UNC79: variants seen among roughly 807,000 people sequenced by gnomAD.
UNC79 encodes the protein unc-79 subunit of NALCN channel complex.
A neutral mutation model predicts 283.1 loss-of-function variants in UNC79; 37 were observed. The observed-to-expected ratio is 0.13, with a 90% CI of 0.10 to 0.17. The LOEUF (loss-of-function observed/expected upper bound fraction) is 0.17. Ranked by LOEUF, UNC79 falls within the 10% of genes least tolerant of loss-of-function variation. UNC79 has a pLI of 1.00. For missense variants in UNC79, 2,272 were observed against 3,211.1 expected (o/e 0.71, Z 7.07); for synonymous variants, 1,107 against 1,200.2 (o/e 0.92, Z 1.61).
intron 4 of UNC79, 73 bp downstream of exon 4, chr14:93,477,801 G>A (rs920241784): frequency 1.4e-6 from 2 of 1,433,692 alleles, no homozygotes; most frequent in African/African-American, 1.4e-5. Flanking sequence ...TGCTGTTATA[G>A]GCTCTAGTTT....
At chr14:93,552,966 A>G (rs2061972346) in intron 14 of UNC79, among the ~76,000 whole-genome samples, 1 of 152,220 alleles carries the variant, frequency 6.6e-6, no homozygotes, top group African/African-American at 2.4e-5. Context: ...ATGGGGTTTT[A>G]TCGGCTTTAG....
upstream of UNC79, among the ~76,000 whole-genome samples, chr14:93,427,492 C>G (rs1420245402): frequency 6.6e-6 from 1 of 151,860 alleles, no homozygotes; most frequent in East Asian, 1.9e-4. Context: ...ATGTAATTAC[C>G]CTATCTAAAA....
At chr14:93,428,646 C>T (rs886077180), upstream of UNC79, among the ~76,000 whole-genome samples, 13 of 152,162 alleles carry the variant, frequency 8.5e-5, no homozygotes, top group Admixed American at 3.9e-4. Context: ...GGCTCCGAAG[C>T]ATCAGAACTA....
chr14:93,440,834 G>T (rs1298022132), intron 1 of UNC79, among the ~76,000 whole-genome samples: 10 of 151,948 alleles, frequency 6.6e-5, no homozygotes, highest in Non-Finnish European at 1.5e-4. Flanking sequence ...TGAGGTTTTT[G>T]CTGTGTCATA....
chr14:93,562,185 T>C (rs1255185176), intron 14 of UNC79, among the ~76,000 whole-genome samples: 1 of 152,098 alleles, frequency 6.6e-6, no homozygotes, highest in African/African-American at 2.4e-5. Flanking sequence ...TGCAGGTGGA[T>C]GGCAGTTGGG....
At chr14:93,527,976 G>GAA (rs35372771) in intron 8 of UNC79, among the ~76,000 whole-genome samples, 2 of 137,472 alleles carry the variant, frequency 1.5e-5, no homozygotes. Flanking sequence ...TCATGTGTAG[G>GAA]AAAAAAAAAA....
intron 40 of UNC79, among the ~76,000 whole-genome samples, chr14:93,668,834 ACT>A (rs2072499238): frequency 7.1e-6 from 1 of 141,016 alleles, no homozygotes; most frequent in South Asian, 2.3e-4. Flanking sequence ...ACAGAGTGAG[ACT>A]CTGTGTCCTT....
intron 22 of UNC79, among the ~76,000 whole-genome samples, chr14:93,593,280 T>C (rs2064826161): frequency 6.6e-6 from 1 of 152,180 alleles, no homozygotes; most frequent in African/African-American, 2.4e-5. Context: ...TTCTTTGACA[T>C]CATAAGAGGC....
intron 1 of UNC79, among the ~76,000 whole-genome samples, chr14:93,443,644 C>T (rs866767750): frequency 4.6e-5 from 7 of 152,204 alleles, no homozygotes; most frequent in Admixed American, 1.3e-4. Flanking sequence ...AGGCTGGTCT[C>T]GAACTCCTGA....
At position 93,582,094 on chromosome 14, in the gene UNC79, T is replaced by C. The variant is rs897340496; in HGVS notation, c.2662-109T>C. 8 of 1,558,776 alleles carry C rather than the reference T, an allele frequency of 5.1e-6. No homozygotes were observed. In the South Asian group the frequency reaches 6.9e-5, roughly 13 times the overall value. The stretch of plus-strand genomic sequence containing the variant: ...GCCTTGGCCTCTGGCCTCAGCAGCA[T>C]GGGACCCGAGACACAGCAGGTGTGC... On this transcript the variant is annotated intron_variant, in intron 19 of 48. Transcript: ENST00000555664.
chr14:93,494,139 A>T (rs1027756738), intron 5 of UNC79, among the ~76,000 whole-genome samples: 8 of 151,742 alleles, frequency 5.3e-5, no homozygotes, highest in Non-Finnish European at 1.0e-4. Context: ...TCCTGACCTC[A>T]GGAGTTTTGA....
chr14:93,455,931 T>C (rs1447534602), intron 1 of UNC79, among the ~76,000 whole-genome samples: 1 of 151,736 alleles, frequency 6.6e-6, no homozygotes, highest in Non-Finnish European at 1.5e-5. Flanking sequence ...TGTGTGTGTG[T>C]GTGTGTGTGT....
chr14:93,478,238 G>A (rs946897322), intron 4 of UNC79, among the ~76,000 whole-genome samples: 1 of 152,166 alleles, frequency 6.6e-6, no homozygotes, highest in Non-Finnish European at 1.5e-5. Flanking sequence ...GTATCGTGAT[G>A]ATAAAGTGAC....
chr14:93,651,395 C>T (rs181942635), intron 35 of UNC79, among the ~76,000 whole-genome samples: 1 of 152,086 alleles, frequency 6.6e-6, no homozygotes, highest in Non-Finnish European at 1.5e-5. Flanking sequence ...TTGAATCTTC[C>T]AATTCATGAA....
intron 5 of UNC79, among the ~76,000 whole-genome samples, chr14:93,492,686 C>A (rs2058788377): frequency 6.6e-6 from 1 of 152,082 alleles, no homozygotes; most frequent in Admixed American, 6.5e-5. Context: ...GTAAATGGGG[C>A]ATTCTGGGAG....
chr14:93,465,937 A>G (rs1338668483), intron 1 of UNC79, among the ~76,000 whole-genome samples: 1 of 152,222 alleles, frequency 6.6e-6, no homozygotes, highest in Non-Finnish European at 1.5e-5. Flanking sequence ...GGAACTATGC[A>G]TTAATGTGGG....
At chr14:93,479,382 C>G (rs1439281792) in intron 4 of UNC79, among the ~76,000 whole-genome samples, 2 of 152,182 alleles carry the variant, frequency 1.3e-5, no homozygotes, top group African/African-American at 4.8e-5. Context: ...ACTATAACCT[C>G]TGCCTCCTGA....
chr14:93,501,863 G>T (rs965501261), intron 7 of UNC79, among the ~76,000 whole-genome samples: 2 of 152,056 alleles, frequency 1.3e-5, no homozygotes, highest in African/African-American at 2.4e-5. Context: ...TATGATAAAA[G>T]ATGTCAAACA....
intron 40 of UNC79, 106 bp from the exon 44 acceptor site, chr14:93,673,243 ACT>A (rs1311122071): frequency 2.2e-6 from 2 of 908,478 alleles, no homozygotes; most frequent in East Asian, 5.2e-5. Context: ...ATTTTTGAAT[ACT>A]GTTTTTTATT....
Sources: gnomAD v4.1 joint callset for allele counts (sites outside exome capture counted in the v4.1 genomes callset) on GRCh38, gnomAD v4.1.1 for gene constraint, MANE v1.5 for transcripts, NCBI Gene and HGNC (gene_info 2026-07-23, HGNC 2026-07-21) for gene names.